MTF2: variants seen among roughly 807,000 people sequenced by gnomAD.
The protein encoded by MTF2 is metal response element binding transcription factor 2, also known as metal-response element-binding transcription factor 2.
A neutral mutation model predicts 79.5 loss-of-function variants in MTF2; 11 were observed. That is an observed-to-expected ratio of 0.14 (90% CI 0.09 to 0.23). The LOEUF (loss-of-function observed/expected upper bound fraction) is 0.23, where lower values mean the gene tolerates loss of function less well. MTF2 is among the 10% of genes least tolerant of loss of function. The pLI is 1.00. For missense variants in MTF2, 486 were observed against 711.2 expected (o/e 0.68, Z 3.60); for synonymous variants, 208 against 232.8 (o/e 0.89, Z 0.97).
intron 11 of MTF2, among the ~76,000 whole-genome samples, chr1:93,132,374 T>A (rs1656956286): frequency 6.6e-6 from 1 of 152,180 alleles, no homozygotes; most frequent in African/African-American, 2.4e-5. Context: ...ACAAGCTTTT[T>A]CATTTCTATC....
intron 1 of MTF2, among the ~76,000 whole-genome samples, chr1:93,097,064 C>A (rs1655321192): frequency 6.6e-6 from 1 of 152,084 alleles, no homozygotes; most frequent in Non-Finnish European, 1.5e-5. Context: ...CCCACCTTGG[C>A]CTCCCAAGGT....
At chr1:93,131,253 AAAAG>A (rs1487923492) in intron 11 of MTF2, among the ~76,000 whole-genome samples, 2 of 152,224 alleles carry the variant, frequency 1.3e-5, no homozygotes, top group African/African-American at 2.4e-5. Context: ...CATGACAACC[AAAAG>A]AAAGGTAGTG....
At chr1:93,101,586 T>G (rs1487520340) in intron 1 of MTF2, among the ~76,000 whole-genome samples, 7 of 116,430 alleles carry the variant, frequency 6.0e-5, no homozygotes, top group African/African-American at 1.8e-4. Context: ...TTTTTTTTTT[T>G]TTTTTTTTTT....
intron 1 of MTF2, among the ~76,000 whole-genome samples, chr1:93,109,934 GCA>G (rs1373205786): frequency 6.6e-6 from 1 of 152,182 alleles, no homozygotes; most frequent in African/African-American, 2.4e-5. Flanking sequence ...ATCATGGCCT[GCA>G]TACCTCAACA....
chr1:93,101,572 T>TTTTTTTTTG (rs1655539549), intron 1 of MTF2, among the ~76,000 whole-genome samples: 2 of 85,678 alleles, frequency 2.3e-5, no homozygotes, highest in African/African-American at 1.0e-4. Context: ...AGGCTGGTTT[T>TTTTTTTTTG]TTTTTTTTTT....
intron 3 of MTF2, among the ~76,000 whole-genome samples, chr1:93,112,501 A>G (rs1297562835): frequency 6.6e-6 from 1 of 152,192 alleles, no homozygotes; most frequent in Non-Finnish European, 1.5e-5. Context: ...TTTCTGTGAA[A>G]TGATATACTC....
At chr1:93,105,161 A>AAAG (rs397980835) in intron 1 of MTF2, among the ~76,000 whole-genome samples, 2 of 150,518 alleles carry the variant, frequency 1.3e-5, no homozygotes, top group Non-Finnish European at 3.0e-5. Context: ...AAAAAAAAAA[A>AAAG]GAGACAGACA....
chr1:93,119,606 T>C, intron 8 of MTF2: 1 of 475,384 alleles, frequency 2.1e-6, no homozygotes, highest in South Asian at 4.1e-5. Flanking sequence ...TGTTCAGTGT[T>C]GAATGTTATA....
rs557993388 is a variant in MTF2, at chr1:93,121,044, A to G, written c.921+372A>G. 68 of 1,022,516 alleles carry G rather than the reference A, an allele frequency of 6.7e-5. No individual in the cohort carries two copies. The African/African-American group carries it at 1.1e-3, about 17-fold the overall frequency. The allele number at this position is 1,022,516 out of a possible 1,614,324, so 63.3% of individuals were successfully genotyped here. A position where few individuals can be genotyped will look rare whatever the true frequency, so the allele number is the denominator to read the frequency against. On this transcript the variant is annotated intron_variant, in intron 9 of 14. Coordinates refer to ENST00000370298, the MANE Select transcript of MTF2 (RefSeq NM_007358.4). ...CTATAAACTTAGAGATATAACCAAC[A>G]TTCTTCCTTCCTCTCTTGTTGGTAC...
intron 9 of MTF2, 155 bp downstream of exon 9, chr1:93,120,827 A>G: frequency 7.3e-7 from 1 of 1,363,826 alleles, no homozygotes; most frequent in South Asian, 1.7e-5. Flanking sequence ...TATGGATATC[A>G]GGACCAGCCT....
At chr1:93,122,517 G>A (rs1041608834) in intron 9 of MTF2, among the ~76,000 whole-genome samples, 3 of 152,060 alleles carry the variant, frequency 2.0e-5, no homozygotes, top group African/African-American at 7.2e-5. Flanking sequence ...GGGTGTCCCA[G>A]CTCCAACTGA....
At chr1:93,130,697 G>T (rs1656882940) in intron 11 of MTF2, among the ~76,000 whole-genome samples, 1 of 152,212 alleles carries the variant, frequency 6.6e-6, no homozygotes. Context: ...ATGAGGGCTT[G>T]TGCAGAGGTA....
intron 1 of MTF2, among the ~76,000 whole-genome samples, chr1:93,104,102 C>CTT (rs781525518): frequency 0.09 from 11,318 of 125,350 alleles, 1,229 homozygotes; most frequent in African/African-American, 0.24. Context: ...CTACACCCAG[C>CTT]TTTTTTTTTT....
intron 1 of MTF2, among the ~76,000 whole-genome samples, chr1:93,101,990 A>G (rs1036718842): frequency 1.3e-5 from 2 of 151,926 alleles, no homozygotes; most frequent in South Asian, 4.1e-4. Context: ...TATAACAACT[A>G]CCTCTTTCTC....
At chr1:93,127,426 G>A (rs532527442) in intron 10 of MTF2, 127 bp downstream of exon 10, 2 of 596,022 alleles carry the variant, frequency 3.4e-6, no homozygotes, top group Admixed American at 5.7e-5. Flanking sequence ...ACTTTATAAT[G>A]TCCTATTCTA....
intron 3 of MTF2, 43 bp from the exon 4 acceptor site, chr1:93,114,645 A>T (rs1571238857): frequency 2.7e-6 from 4 of 1,508,590 alleles, no homozygotes; most frequent in African/African-American, 1.4e-5. Context: ...GTTTTATGGA[A>T]TTTTTTATGA....
intron 9 of MTF2, chr1:93,120,886 AAGG>A: frequency 8.0e-7 from 1 of 1,247,580 alleles, no homozygotes; most frequent in African/African-American, 1.6e-5. Context: ...AAATTTGTAG[AAGG>A]AGGAGGTATA....
At chr1:93,120,927 G>C in intron 9 of MTF2, 1 of 1,148,494 alleles carries the variant, frequency 8.7e-7, no homozygotes, top group Non-Finnish European at 1.1e-6. Flanking sequence ...TTTCTGAAGT[G>C]AAAGTCATTG....
intron 6 of MTF2, among the ~76,000 whole-genome samples, chr1:93,116,474 A>T (rs569740102): frequency 6.9e-6 from 1 of 144,720 alleles, no homozygotes; most frequent in South Asian, 2.2e-4. Flanking sequence ...TCTTCCTTTC[A>T]TTTGAACACT....
Sources: allele counts gnomAD v4.1 joint callset (sites outside exome capture counted in the v4.1 genomes callset), GRCh38; gene constraint gnomAD v4.1.1; transcripts MANE v1.5; gene names NCBI Gene and HGNC (gene_info 2026-07-23, HGNC 2026-07-21).